The following NSMCE1 variants were observed in gnomAD, a reference collection of about 807,000 sequenced individuals.
NSMCE1 encodes the protein NSE1 component of SMC5/6 complex.
In NSMCE1, 18 loss-of-function variants were observed where a neutral mutation model predicts 29.6. That is an observed-to-expected ratio of 0.61 (90% CI 0.42 to 0.90). The LOEUF (loss-of-function observed/expected upper bound fraction) is 0.90. Among genes scored for constraint, NSMCE1 ranks in the 40% least tolerant of loss-of-function variants. NSMCE1 has a pLI of 0.00. For missense variants in NSMCE1, 314 were observed against 343.6 expected, an observed-to-expected ratio of 0.91 and a Z score of 0.68; for synonymous variants, 124 against 133.4, an observed-to-expected ratio of 0.93 and a Z score of 0.49.
intron 2 of NSMCE1, among the ~76,000 whole-genome samples, chr16:27,251,665 G>A (rs2084037230): frequency 6.6e-6 from 1 of 152,186 alleles, no homozygotes; most frequent in African/African-American, 2.4e-5. Context: ...CAATTTTACA[G>A]AAGAGTTTGG....
chr16:27,226,830 C>T lies in NSMCE1; in HGVS notation c.490G>A (p.Gly164Arg). ...GCCCGGCCGTGCAGGGTGAACTCCCCTTCCTTCTGCAGGGACACACAGGAG... is the reference window on the plus strand; with the variant it reads ...GCCCGGCCGTGCAGGGTGAACTCCCTTTCCTTCTGCAGGGACACACAGGAG... ...VQNKWLIEKEGEFTLHGRAIL... is the reference protein window; with the variant it reads ...VQNKWLIEKEREFTLHGRAIL... The change falls in exon 6 of 8, where the codon GGG (glycine) becomes AGG (arginine). Residue 164 changes from glycine (G) to arginine (R), a missense_variant. Transcript: ENST00000361439. 6.2e-7 allele frequency: 1 copy of T among 1,609,268 alleles called. No individual in the cohort carries two copies. The highest frequency in any genetic ancestry group is 8.5e-7 in the Non-Finnish European group (1 of 1,175,708).
intron 3 of NSMCE1, 92 bp downstream of exon 3, chr16:27,235,086 A>G: frequency 7.7e-7 from 1 of 1,291,438 alleles, no homozygotes; most frequent in Non-Finnish European, 1.1e-6. Flanking sequence ...AGAACTGTCC[A>G]AAAGAGAAAT....
chr16:27,227,150 C>A (rs1256927717), intron 5 of NSMCE1, among the ~76,000 whole-genome samples: 1 of 152,244 alleles, frequency 6.6e-6, no homozygotes, highest in Non-Finnish European at 1.5e-5. Flanking sequence ...AGCCCTCCTG[C>A]AGATGAGGAC....
Position 27,247,150 on chromosome 16 carries a change from C to T in NSMCE1, c.136+10285G>A, listed in dbSNP as rs116279309. 3.2e-3 allele frequency among the ~76,000 whole-genome samples: 492 copies of T among 152,266 alleles called. 3 individuals carry two copies. Among genetic ancestry groups the T allele is most frequent in the African/African-American group, 0.011 (468 of 41,516 alleles). On this transcript the variant is annotated intron_variant, in intron 2 of 7. Coordinates refer to ENST00000361439, the MANE Select transcript of NSMCE1 (RefSeq NM_145080.4). ...ATGGTTTGGCTGTGTCCACCCAAATCTCATCTTGAATTGTAGTTCCCATAA... is the reference window on the plus strand; with the variant it reads ...ATGGTTTGGCTGTGTCCACCCAAATTTCATCTTGAATTGTAGTTCCCATAA...
chr16:27,254,678 C>T (rs1023363205), intron 2 of NSMCE1, among the ~76,000 whole-genome samples: 36 of 152,114 alleles, frequency 2.4e-4, no homozygotes, highest in Non-Finnish European at 4.7e-4. Flanking sequence ...CCCCACCTCC[C>T]CTGCTCAAGC....
chr16:27,243,843 G>A (rs1000157953), intron 2 of NSMCE1, among the ~76,000 whole-genome samples: 7 of 152,110 alleles, frequency 4.6e-5, no homozygotes, highest in Admixed American at 4.6e-4. Context: ...AGACCCTGAG[G>A]TCTCGCAATG....
intron 6 of NSMCE1, 58 bp from the exon 7 acceptor site, chr16:27,225,904 C>G (rs969117290): frequency 6.2e-7 from 1 of 1,601,556 alleles, no homozygotes; most frequent in African/African-American, 1.3e-5. Context: ...GTTCTGCAAA[C>G]CTCCGGGGAA....
At chr16:27,233,394 AAGAG>A (rs1196491087) in intron 4 of NSMCE1, among the ~76,000 whole-genome samples, 1 of 152,178 alleles carries the variant, frequency 6.6e-6, no homozygotes, top group Non-Finnish European at 1.5e-5. Flanking sequence ...CCCCAAATCA[AAGAG>A]GGTCGCCTTG....
chr16:27,257,008 C>G (rs2084094659), intron 2 of NSMCE1, among the ~76,000 whole-genome samples: 1 of 152,222 alleles, frequency 6.6e-6, no homozygotes, highest in Admixed American at 6.5e-5. Context: ...AGCCACCGCA[C>G]CCAGCCAAGC....
At chr16:27,249,950 G>A (rs1214991665) in intron 2 of NSMCE1, among the ~76,000 whole-genome samples, 2 of 152,142 alleles carry the variant, frequency 1.3e-5, no homozygotes, top group African/African-American at 2.4e-5. Flanking sequence ...ACAATGTTTT[G>A]TAGTTTTCAG....
chr16:27,243,449 C>A (rs1342265147), intron 2 of NSMCE1, among the ~76,000 whole-genome samples: 1 of 152,170 alleles, frequency 6.6e-6, no homozygotes, highest in East Asian at 1.9e-4. Flanking sequence ...TGGGCTGCAG[C>A]CAATGGCCAG....
Position 27,251,780 on chromosome 16 carries a change from C to G in NSMCE1, c.136+5655G>C, listed in dbSNP as rs1596690849. On this transcript the variant is annotated intron_variant, in intron 2 of 7. Coordinates refer to ENST00000361439, the MANE Select transcript of NSMCE1 (RefSeq NM_145080.4). ...TCTAATCCTTCAACTAGTTCTCTCCCTGGCCTTAAGAAGTTTTCTTGCTCA... is the reference window on the plus strand; with the variant it reads ...TCTAATCCTTCAACTAGTTCTCTCCGTGGCCTTAAGAAGTTTTCTTGCTCA... Among the ~76,000 whole-genome samples, 6 of 152,206 alleles carry G rather than the reference C, an allele frequency of 3.9e-5. No homozygotes were observed. In the South Asian group the frequency reaches 1.2e-3, roughly 32 times the overall value.
Position 27,257,562 on chromosome 16 carries a change from G to A in NSMCE1, c.9C>T (p.Gly3=). ...TCATGACGCCCATTCTCCTTGTGCT[G>A]CCCTGCATGTGGGAACGAACTGAAA... MQ[G]STRRMGVMTD... is the part of the protein sequence containing the mutation. The change falls in exon 2 of 8, where the codon GGC becomes GGT. Residue 3 remains glycine, a synonymous_variant. Coordinates refer to ENST00000361439, the MANE Select transcript of NSMCE1 (RefSeq NM_145080.4). 1 of 1,611,446 alleles carries A rather than the reference G, an allele frequency of 6.2e-7. No homozygotes were observed. Among genetic ancestry groups the A allele is most frequent in the Non-Finnish European group, 8.5e-7 (1 of 1,178,940 alleles).
rs1233043185 is a variant in NSMCE1 at position 27,233,124 on chromosome 16, T to G, written c.360A>C (p.Glu120Asp). 1 of 1,613,856 alleles carries G rather than the reference T, an allele frequency of 6.2e-7. No homozygotes were observed. The highest frequency in any genetic ancestry group is 2.2e-5 in the East Asian group (1 of 44,892). ...RKALELIIDS[E>D]TGFASSTNIL... is the part of the protein sequence containing the mutation. ...TGTTTGTGGAAGACGCAAAGCCGGT[T>G]TCTGAGTCAATAATCAGTTCCAGCT... The change falls in exon 5 of 8, where the codon GAA (glutamate) becomes GAC (aspartate). Residue 120 changes from glutamate to aspartate, a missense_variant. Coordinates refer to ENST00000361439, the MANE Select transcript of NSMCE1 (RefSeq NM_145080.4).
intron 2 of NSMCE1, among the ~76,000 whole-genome samples, chr16:27,251,637 G>A (rs1238236552): frequency 1.3e-5 from 2 of 152,158 alleles, no homozygotes; most frequent in Admixed American, 6.5e-5. Context: ...CATAGAATTA[G>A]TTGTAACATA....
chr16:27,225,984 T>C, intron 6 of NSMCE1, 138 bp from the exon 7 acceptor site: 1 of 1,005,702 alleles, frequency 9.9e-7, no homozygotes, highest in East Asian at 2.6e-5. Context: ...TTGAAAATAA[T>C]CCCAAACGCC....
intron 2 of NSMCE1, among the ~76,000 whole-genome samples, chr16:27,251,224 C>A: frequency 8.2e-6 from 1 of 122,694 alleles, no homozygotes; most frequent in African/African-American, 3.1e-5. Context: ...CTGTAGAGTT[C>A]AGACTCCTCA....
At chr16:27,250,778 T>C (rs926681420) in intron 2 of NSMCE1, among the ~76,000 whole-genome samples, 6 of 151,748 alleles carry the variant, frequency 4.0e-5, no homozygotes, top group African/African-American at 1.5e-4. Flanking sequence ...GGGAGGCTTT[T>C]TTGAGACTCT....
chr16:27,237,485 GACTTGGCCAGACAC>G (rs1410314205), intron 2 of NSMCE1, among the ~76,000 whole-genome samples: 1 of 152,208 alleles, frequency 6.6e-6, no homozygotes, highest in Admixed American at 6.5e-5. Flanking sequence ...CTGTGCCAGT[GACTTGGCCAGACAC>G]ACTTTTCCAC....
Sources: gnomAD v4.1 joint callset for allele counts (sites outside exome capture counted in the v4.1 genomes callset) on GRCh38, gnomAD v4.1.1 for gene constraint, MANE v1.5 for transcripts, NCBI Gene and HGNC (gene_info 2026-07-23, HGNC 2026-07-21) for gene names.